The following CES5A variants were observed in gnomAD, a reference collection of about 807,000 sequenced individuals.
The protein encoded by CES5A is carboxylesterase 5.
In CES5A, 67 loss-of-function variants were observed where a neutral mutation model predicts 62.9. The observed-to-expected ratio is 1.07, with a 90% CI of 0.88 to 1.31. The LOEUF is 1.31. Among genes scored for constraint, CES5A ranks in the 50% most tolerant of loss-of-function variants. The pLI is 0.00. For synonymous variants in CES5A, 296 were observed against 280.8 expected (o/e 1.05, Z -0.54); for missense variants, 748 against 708.5 (o/e 1.06, Z -0.63).
At chr16:55,889,045 A>G (rs1178172127) in intron 1 of CES5A, among the ~76,000 whole-genome samples, 1 of 152,150 alleles carries the variant, frequency 6.6e-6, no homozygotes, top group Non-Finnish European at 1.5e-5. Context: ...ACTCAAAAGT[A>G]GCCTAGAATG....
intron 2 of CES5A, among the ~76,000 whole-genome samples, chr16:55,948,409 A>G (rs1332446261): frequency 6.6e-6 from 1 of 152,214 alleles, no homozygotes; most frequent in Non-Finnish European, 1.5e-5. Flanking sequence ...TACATAAGAT[A>G]AAGTAAACAC....
chr16:55,934,632 C>T (rs1279163231), intron 2 of CES5A, among the ~76,000 whole-genome samples: 1 of 151,380 alleles, frequency 6.6e-6, no homozygotes, highest in Non-Finnish European at 1.5e-5. Context: ...GAAATAGAAC[C>T]AATAGAAACC....
chr16:55,904,902 A>T (rs1414704251), intron 1 of CES5A, among the ~76,000 whole-genome samples: 1 of 152,158 alleles, frequency 6.6e-6, no homozygotes, highest in African/African-American at 2.4e-5. Context: ...CAAGCAACAC[A>T]GAGTGTCAAC....
chr16:55,921,137 G>T (rs1034813753), intron 1 of CES5A, among the ~76,000 whole-genome samples: 8 of 152,060 alleles, frequency 5.3e-5, no homozygotes, highest in African/African-American at 1.9e-4. Flanking sequence ...ACCTCAAAAG[G>T]CCAAATCTGA....
At chr16:55,894,711 G>GA (rs1236833003) in intron 1 of CES5A, among the ~76,000 whole-genome samples, 10 of 152,186 alleles carry the variant, frequency 6.6e-5, no homozygotes, top group Admixed American at 1.3e-4. Flanking sequence ...ATTTACTGCA[G>GA]AAAAAAGTTG....
At chr16:55,954,985 C>T (rs2034593621) in intron 1 of CES5A, among the ~76,000 whole-genome samples, 1 of 152,190 alleles carries the variant, frequency 6.6e-6, no homozygotes, top group African/African-American at 2.4e-5. Flanking sequence ...TCTCCGCATG[C>T]ACAAGGAAAT....
At chr16:55,870,145 A>G (rs1184050591) in intron 3 of CES5A, among the ~76,000 whole-genome samples, 1 of 152,252 alleles carries the variant, frequency 6.6e-6, no homozygotes, top group African/African-American at 2.4e-5. Context: ...ACTAAATACC[A>G]GTGAGCCTGT....
rs2033539306 is a variant in CES5A at position 55,869,600 on chromosome 16, G to C, written c.551+11C>G. 6.2e-7 allele frequency: 1 copy of C among 1,612,886 alleles called. No individual in the cohort carries two copies. Among genetic ancestry groups the C allele is most frequent in the Non-Finnish European group, 8.5e-7 (1 of 1,179,514 alleles). ...GGGGATCTGGGATGTCCATCATTTG[G>C]AGAGACTCACGTGAAGAAACCAAAT... On this transcript the variant is annotated intron_variant, in intron 4 of 12. Transcript: ENST00000290567.
chr16:55,921,677 A>G (rs1164579926), intron 1 of CES5A, among the ~76,000 whole-genome samples: 1 of 151,278 alleles, frequency 6.6e-6, no homozygotes, highest in East Asian at 1.9e-4. Flanking sequence ...AAAAAAAAAA[A>G]TTGAAGGCAT....
At chr16:55,952,511 A>G (rs2142489281) in intron 1 of CES5A, among the ~76,000 whole-genome samples, 1 of 152,284 alleles carries the variant, frequency 6.6e-6, no homozygotes, top group East Asian at 1.9e-4. Context: ...ATAAATTAGA[A>G]CAGCCTGTGG....
intron 1 of CES5A, among the ~76,000 whole-genome samples, chr16:55,886,873 G>C (rs2033821232): frequency 1.3e-5 from 2 of 151,848 alleles, no homozygotes; most frequent in Admixed American, 1.3e-4. Context: ...TGATTACATA[G>C]GATGTAATCA....
rs758558870 is a variant in CES5A, at chr16:55,859,559, G to A, written c.1044C>T (p.Phe348=). 1.9e-6 allele frequency: 3 copies of A among 1,612,410 alleles called. No homozygotes were observed. The highest frequency in any genetic ancestry group is 2.2e-5 in the South Asian group (2 of 90,620). ...IIGVNNHECG[F]LLPMKEAPEI... Reference sequence around the variant, plus strand: ...CCAGAATTCTTACCATAGGCAGCAGGAAGCCACACTCGTGGTTATTGACTC... The same window carrying A: ...CCAGAATTCTTACCATAGGCAGCAGAAAGCCACACTCGTGGTTATTGACTC... Residue 348 remains phenylalanine (F), a synonymous_variant, in exon 8 of 13, where the codon TTC becomes TTT. Transcript: ENST00000290567.
At chr16:55,904,037 A>G (rs1237145011) in intron 1 of CES5A, among the ~76,000 whole-genome samples, 4 of 152,260 alleles carry the variant, frequency 2.6e-5, no homozygotes, top group African/African-American at 9.6e-5. Context: ...AGAAAACCGT[A>G]TACTCACAGT....
intron 5 of CES5A, 92 bp from the exon 6 acceptor site, chr16:55,863,544 C>T (rs1373991995): frequency 9.2e-6 from 7 of 761,246 alleles, no homozygotes; most frequent in Admixed American, 1.9e-5. Context: ...CCCAGGAAGC[C>T]TCCTTAAAAG....
At chr16:55,944,264 A>T (rs2034472170) in intron 2 of CES5A, 2 of 607,058 alleles carry the variant, frequency 3.3e-6, no homozygotes, top group Non-Finnish European at 5.9e-6. Flanking sequence ...CACCCATAAA[A>T]TGGAGTTAAT....
intron 8 of CES5A, among the ~76,000 whole-genome samples, chr16:55,859,263 C>T (rs1157278702): frequency 6.6e-6 from 1 of 152,220 alleles, no homozygotes; most frequent in Non-Finnish European, 1.5e-5. Flanking sequence ...ATTTATAATA[C>T]TGTTTGAACA....
intron 1 of CES5A, among the ~76,000 whole-genome samples, chr16:55,882,164 A>G (rs1271701493): frequency 2.0e-5 from 3 of 152,170 alleles, no homozygotes; most frequent in Non-Finnish European, 4.4e-5. Flanking sequence ...TGTTTTAAGG[A>G]GTCTGGGTCC....
chr16:55,864,958 G>T (rs1241662603), intron 5 of CES5A, among the ~76,000 whole-genome samples: 1 of 152,082 alleles, frequency 6.6e-6, no homozygotes, highest in African/African-American at 2.4e-5. Context: ...TGTAATCCCA[G>T]CACTTTGGGA....
At chr16:55,920,210 G>T (rs2034190800) in intron 1 of CES5A, among the ~76,000 whole-genome samples, 1 of 152,044 alleles carries the variant, frequency 6.6e-6, no homozygotes, top group African/African-American at 2.4e-5. Context: ...CCCTCATTCT[G>T]CCCAGCACCA....
Sources: allele counts gnomAD v4.1 joint callset (sites outside exome capture counted in the v4.1 genomes callset), GRCh38; gene constraint gnomAD v4.1.1; transcripts MANE v1.5; gene names NCBI Gene and HGNC (gene_info 2026-07-23, HGNC 2026-07-21).